GALK2: variants seen among roughly 807,000 people sequenced by gnomAD.
GALK2 encodes N-acetylgalactosamine kinase.
Under a neutral mutation model 52.4 loss-of-function variants are expected in GALK2, and 36 were observed. The ratio of observed to expected loss-of-function variants is 0.69; its 90% CI spans 0.53 to 0.91. The LOEUF is 0.91. GALK2 is among the 40% of genes least tolerant of loss of function. The pLI is 0.00. For missense variants in GALK2, 579 were observed against 559.1 expected (o/e 1.04, Z -0.36); for synonymous variants, 176 against 199.1 (o/e 0.88, Z 0.98).
intron 3 of GALK2, chr15:49,365,537 A>C (rs1417119683): frequency 1.2e-6 from 1 of 859,974 alleles, no homozygotes; most frequent in South Asian, 1.3e-5. Flanking sequence ...ACTACTGGCA[A>C]TGTTTCAGTA....
chr15:49,232,446 A>G (rs1006397951), intron 3 of GALK2, among the ~76,000 whole-genome samples: 2 of 152,156 alleles, frequency 1.3e-5, no homozygotes, highest in Admixed American at 6.5e-5. Context: ...AAATGCTTTG[A>G]AAGTCTTTTC....
rs200059449 is a variant in GALK2, at chr15:49,283,545, C to G, written c.604-21C>G. ...TGCATTCTAATAAATTATATTTCTC[C>G]TTTCATTTTTCTTCTAACAGGCCAA... On this transcript the variant is annotated intron_variant, in intron 6 of 9. Transcript: ENST00000560031. The G allele has an allele frequency of 1.8e-5, 29 of 1,582,602 alleles. No individual in the cohort carries two copies. The East Asian group carries it at 4.3e-4, about 23-fold the overall frequency.
chr15:49,171,833 G>T lies in GALK2; in HGVS notation c.53+1458G>T, dbSNP rs185290608. ...GTTGCCCAGGCTGGAGTATAGTGGC[G>T]CAGTCTCCGCTCACTGCAACCTCCA... On this transcript the variant is annotated intron_variant, in intron 1 of 9. Coordinates refer to ENST00000560031, the MANE Select transcript of GALK2 (RefSeq NM_002044.4). Among the ~76,000 whole-genome samples, 13 of 150,934 alleles carry T rather than the reference G, an allele frequency of 8.6e-5. No individual in the cohort carries two copies. The South Asian group carries it at 1.5e-3, about 17-fold the overall frequency.
intron 1 of GALK2, chr15:49,156,590 C>G: frequency 1.9e-6 from 1 of 517,708 alleles, no homozygotes; most frequent in Non-Finnish European, 3.8e-6. Context: ...ACGTCAGGAG[C>G]CAAAGAAATT....
At chr15:49,195,413 T>G (rs544832443) in intron 1 of GALK2, among the ~76,000 whole-genome samples, 3 of 152,204 alleles carry the variant, frequency 2.0e-5, no homozygotes, top group African/African-American at 7.2e-5. Context: ...GTTTAAAAAC[T>G]TTTCTTAAAT....
intron 3 of GALK2, among the ~76,000 whole-genome samples, chr15:49,228,660 GATATATAT>G (rs34288229): frequency 2.1e-4 from 3 of 14,226 alleles, no homozygotes; most frequent in African/African-American, 9.2e-4. Context: ...GTCTTTCACT[GATATATAT>G]ATATATATAT....
At chr15:49,282,136 T>G in intron 6 of GALK2, 51 bp downstream of exon 6, 1 of 1,381,814 alleles carries the variant, frequency 7.2e-7, no homozygotes, top group Non-Finnish European at 1.0e-6. Flanking sequence ...GTGGGAAAAT[T>G]TACATGGAGA....
chr15:49,346,913 G>T (rs1423772722), intron 3 of GALK2, among the ~76,000 whole-genome samples: 1 of 152,054 alleles, frequency 6.6e-6, no homozygotes, highest in Non-Finnish European at 1.5e-5. Context: ...GTTTACCTTT[G>T]CCTATAAGTA....
At chr15:49,181,784 C>T (rs2085991150) in intron 1 of GALK2, among the ~76,000 whole-genome samples, 1 of 151,818 alleles carries the variant, frequency 6.6e-6, no homozygotes, top group African/African-American at 2.4e-5. Flanking sequence ...TCCCAAATTC[C>T]CCAAACTTAA....
At chr15:49,221,666 C>G (rs961656217) in intron 3 of GALK2, among the ~76,000 whole-genome samples, 5 of 151,064 alleles carry the variant, frequency 3.3e-5, no homozygotes, top group Non-Finnish European at 1.5e-5. Context: ...AAATCTCTGT[C>G]TTGAAAAAAA....
At chr15:49,283,148 G>A (rs754808157) in intron 6 of GALK2, among the ~76,000 whole-genome samples, 11 of 151,640 alleles carry the variant, frequency 7.3e-5, no homozygotes, top group Non-Finnish European at 1.3e-4. Context: ...TTCTTGACAT[G>A]CTTTTTGAGG....
At chr15:49,342,107 C>A (rs1414761550) in intron 3 of GALK2, among the ~76,000 whole-genome samples, 2 of 152,116 alleles carry the variant, frequency 1.3e-5, no homozygotes, top group African/African-American at 4.8e-5. Flanking sequence ...CCTCGATGAT[C>A]TGCATTATGT....
intron 3 of GALK2, chr15:49,353,690 G>C (rs557042496): frequency 6.9e-6 from 1 of 144,730 alleles, no homozygotes; most frequent in East Asian, 2.0e-4. Flanking sequence ...TATTCACTTC[G>C]CCCAGAGTAT....
At chr15:49,275,481 A>G (rs1037929907) in intron 5 of GALK2, among the ~76,000 whole-genome samples, 1 of 152,208 alleles carries the variant, frequency 6.6e-6, no homozygotes, top group Non-Finnish European at 1.5e-5. Flanking sequence ...TGTTGAATGA[A>G]TGAATGGGTC....
downstream of GALK2, among the ~76,000 whole-genome samples, chr15:49,332,287 C>T (rs983654364): frequency 1.3e-5 from 2 of 152,102 alleles, no homozygotes; most frequent in Non-Finnish European, 2.9e-5. Context: ...AAGGCTCTAG[C>T]CCAGACTTTA....
intron 5 of GALK2, 117 bp downstream of exon 5, chr15:49,239,484 C>T (rs2090990267): frequency 1.1e-6 from 1 of 908,176 alleles, no homozygotes; most frequent in Non-Finnish European, 1.7e-6. Flanking sequence ...AAGGACTGCA[C>T]ATGTGGGCAA....
At position 49,258,790 on chromosome 15, in the gene GALK2, A is replaced by ATGTG. The variant is rs1324911449; in HGVS notation, c.504+19424_504+19425insGTGT. 2.7e-3 allele frequency among the ~76,000 whole-genome samples: 312 copies of ATGTG among 115,184 alleles called. 2 individuals carry two copies. The highest frequency in any genetic ancestry group is 0.011 in the African/African-American group (296 of 26,210). The allele number at this position is 115,184 out of a possible 152,430, so 75.6% of individuals were successfully genotyped here. On this transcript the variant is annotated intron_variant, in intron 5 of 9. Transcript: ENST00000560031. The stretch of plus-strand genomic sequence containing the variant: ...TTTATTTGGAAGCATATATATATAT[A>ATGTG]TATATGTGTGTGTGTGTGTGTGTGT...
At chr15:49,265,513 G>A (rs571887538) in intron 5 of GALK2, among the ~76,000 whole-genome samples, 18 of 152,228 alleles carry the variant, frequency 1.2e-4, no homozygotes, top group Admixed American at 3.9e-4. Context: ...TCCCTGACCC[G>A]TTGCGCTTCC....
intron 7 of GALK2, among the ~76,000 whole-genome samples, chr15:49,285,470 T>C (rs1238260316): frequency 6.6e-6 from 1 of 152,220 alleles, no homozygotes; most frequent in Non-Finnish European, 1.5e-5. Context: ...CGTCTTCTTC[T>C]TTCTAGTGGT....
Sources: gnomAD v4.1 joint callset for allele counts (sites outside exome capture counted in the v4.1 genomes callset) on GRCh38, gnomAD v4.1.1 for gene constraint, MANE v1.5 for transcripts, NCBI Gene and HGNC (gene_info 2026-07-23, HGNC 2026-07-21) for gene names.